TSC2: variants seen among roughly 807,000 people sequenced by gnomAD.
The protein encoded by TSC2 is TSC complex subunit 2, also known as tuberin.
In TSC2, 29 loss-of-function variants were observed where a neutral mutation model predicts 202.2. The observed-to-expected ratio is 0.14, with a 90% CI of 0.11 to 0.20. The LOEUF is 0.20. Ranked by LOEUF, TSC2 falls within the 10% of genes least tolerant of loss-of-function variation. The probability of loss-of-function intolerance (pLI) is 1.00; values close to 1 mark genes in which losing one functional copy is unlikely to be tolerated. For synonymous variants in TSC2, 1,349 were observed against 1,044.0 expected (o/e 1.29, Z -5.63); for missense variants, 2,429 against 2,420.0 (o/e 1.00, Z -0.08).
intron 16 of TSC2, among the ~76,000 whole-genome samples, chr16:2,068,360 T>C (rs758119920): frequency 1.3e-5 from 2 of 152,126 alleles, no homozygotes; most frequent in Non-Finnish European, 2.9e-5. Flanking sequence ...TCTTTTGTTA[T>C]AATTGAAAAG....
rs2084995674 is a variant in TSC2, at chr16:2,050,650, G to A, written c.225+164G>A. On this transcript the variant is annotated intron_variant, in intron 3 of 41. Coordinates refer to ENST00000219476, the MANE Select transcript of TSC2 (RefSeq NM_000548.5). ...GGAGTCTTGCTCTGTCGCCCAGGCT[G>A]GCACAATCTTGGCTCACTGCAGCCT... Among the ~76,000 whole-genome samples the A allele has an allele frequency of 2.1e-5, 3 of 145,282 alleles. No homozygotes were observed. The South Asian group carries it at 6.6e-4, about 32-fold the overall frequency.
chr16:2,080,390 GC>G lies in TSC2; in HGVS notation c.3610+14del. ...CGGAGGCCCACAGGTACTGGGCGGG[GC>G]TGGCCTGAGCGCCATCTTTCTGCCA... is the stretch of plus-strand genomic sequence containing the variant. On this transcript the variant is annotated intron_variant, in intron 30 of 41. Transcript: ENST00000219476. 1 of 1,608,960 alleles carries G rather than the reference GC, an allele frequency of 6.2e-7. No individual in the cohort carries two copies. Among genetic ancestry groups the G allele is most frequent in the Non-Finnish European group, 8.5e-7 (1 of 1,178,570 alleles).
At chr16:2,070,783 G>A (rs982004475) in intron 17 of TSC2, among the ~76,000 whole-genome samples, 63 of 152,216 alleles carry the variant, frequency 4.1e-4, no homozygotes, top group African/African-American at 1.3e-3. Context: ...GTGGCTTGTC[G>A]CTCTAAGCCG....
chr16:2,062,157 C>A, intron 12 of TSC2, 149 bp downstream of exon 12: 1 of 1,182,628 alleles, frequency 8.5e-7, no homozygotes. Context: ...GGAAGGCTGG[C>A]AGGCACAGCA....
intron 15 of TSC2, chr16:2,064,791 G>A (rs950438998): frequency 5.5e-6 from 2 of 364,238 alleles, no homozygotes; most frequent in Non-Finnish European, 1.0e-5. Flanking sequence ...ACAGTCACTC[G>A]GGTATAAAGG....
chr16:2,079,677 T>G lies in TSC2; in HGVS notation c.3397+8T>G, dbSNP rs1231016004. ...GGGTCCGTTCCATGTCGGGTGAGCC[T>G]TGGCCCCAGCCACCTCCACACAGGC... On this transcript the variant is annotated splice_region_variant and intron_variant, in intron 29 of 41. Transcript: ENST00000219476. The surrounding 1 kb of genome is among the most constrained non-coding windows in gnomAD (Gnocchi z 4.6). 1 of 1,575,712 alleles carries G rather than the reference T, an allele frequency of 6.3e-7. No individual in the cohort carries two copies. The highest frequency in any genetic ancestry group is 1.2e-5 in the South Asian group (1 of 86,668).
chr16:2,087,844 C>T lies in TSC2; in HGVS notation c.4990-19C>T. On this transcript the variant is annotated intron_variant, in intron 38 of 41. Transcript: ENST00000219476. ...GCACACGCTGTGTGCGGGGATGACC[C>T]TTTCTCTTGTCCGGGCAGGGCCAGT... 1 of 1,612,134 alleles carries T rather than the reference C, an allele frequency of 6.2e-7. No individual in the cohort carries two copies. Among genetic ancestry groups the T allele is most frequent in the Non-Finnish European group, 8.5e-7 (1 of 1,179,756 alleles).
At chr16:2,054,070 G>A (rs1436839516) in intron 4 of TSC2, 6 of 632,430 alleles carry the variant, frequency 9.5e-6, no homozygotes, top group Admixed American at 2.8e-5. Flanking sequence ...GCCAGGTCCC[G>A]ACACACAGCA....
intron 40 of TSC2, 27 bp from the exon 41 acceptor site, chr16:2,088,200 G>A (rs2151626292): frequency 1.3e-6 from 2 of 1,580,692 alleles, no homozygotes; most frequent in Non-Finnish European, 1.7e-6. Flanking sequence ...ACCTGATAGT[G>A]AGCTCACCCC....
intron 16 of TSC2, 89 bp from the exon 17 acceptor site, chr16:2,070,367 G>A (rs1001864515): frequency 4.5e-5 from 72 of 1,609,800 alleles, no homozygotes; most frequent in African/African-American, 2.3e-4. Context: ...TAGAGCAGCC[G>A]CCCCGGCCCC....
rs999852347 is a variant in TSC2, at chr16:2,082,677, G to C, written c.3883+173G>C. ...GCAGAATGTCTTTGGCTTGGCCAGC[G>C]GGATCCCCTTGACTTGGTCCCTTTG... On this transcript the variant is annotated intron_variant, in intron 32 of 41. Coordinates refer to ENST00000219476, the MANE Select transcript of TSC2 (RefSeq NM_000548.5). 8.2e-6 allele frequency: 6 copies of C among 734,538 alleles called. No individual in the cohort carries two copies. The African/African-American group carries it at 1.0e-4, about 13-fold the overall frequency. The allele number at this position is 734,538 out of a possible 1,614,324, so 45.5% of individuals were successfully genotyped here.
rs2090258083 is a variant in TSC2, at chr16:2,082,439, CCT to C, written c.3821_3822del (p.Ser1274PhefsTer47). Reference sequence around the variant, plus strand: ...CGCACACGGCCTTCCCTTGCAGTGGCCTCTTTCTCCTCCCTGTACCAGTCCAG... The same window carrying C: ...CGCACACGGCCTTCCCTTGCAGTGGCCTTTCTCCTCCCTGTACCAGTCCAG... On this transcript the variant is annotated frameshift_variant, in exon 32 of 42. Coordinates refer to ENST00000219476, the MANE Select transcript of TSC2 (RefSeq NM_000548.5). LOFTEE classifies it high-confidence loss of function. The C allele has an allele frequency of 6.2e-7, 1 of 1,612,590 alleles. No individual in the cohort carries two copies. Among genetic ancestry groups the C allele is most frequent in the Non-Finnish European group, 8.5e-7 (1 of 1,179,994 alleles).
intron 14 of TSC2, 73 bp downstream of exon 14, chr16:2,063,126 G>A (rs763644113): frequency 9.2e-6 from 14 of 1,516,390 alleles, no homozygotes; most frequent in African/African-American, 1.4e-5. Context: ...TGTTGTGCAC[G>A]TGCTCCCGCA....
At chr16:2,067,060 C>T (rs1369084734) in intron 16 of TSC2, among the ~76,000 whole-genome samples, 1 of 152,086 alleles carries the variant, frequency 6.6e-6, no homozygotes, top group Non-Finnish European at 1.5e-5. Context: ...CTCAAAAGCT[C>T]ATCCTTAAGA....
intron 1 of TSC2, chr16:2,048,336 C>T (rs2084621153): frequency 3.3e-6 from 3 of 918,078 alleles, no homozygotes; most frequent in Admixed American, 2.0e-5. Context: ...CTAACCCGTG[C>T]ACTGAGTCGG....
chr16:2,064,799 A>G (rs1197134705), intron 15 of TSC2: 1 of 351,428 alleles, frequency 2.8e-6, no homozygotes, highest in African/African-American at 2.1e-5. Context: ...TCGGGTATAA[A>G]GGGCATCTTT....
chr16:2,080,254 G>T lies in TSC2; in HGVS notation c.3487G>T (p.Ala1163Ser), dbSNP rs560522093. The T allele has an allele frequency of 5.0e-6, 8 of 1,612,992 alleles. No homozygotes were observed. Among genetic ancestry groups the T allele is most frequent in the African/African-American group, 1.3e-5 (1 of 75,072 alleles). ...ATSPGPRTAPAAKPEKASAGT... is the reference protein window; with the variant it reads ...ATSPGPRTAPSAKPEKASAGT... ...TTCTCCAGGACCACGGACTGCACCAGCCGCGAAACCTGAGAAGGCCTCAGC... is the reference window on the plus strand; with the variant it reads ...TTCTCCAGGACCACGGACTGCACCATCCGCGAAACCTGAGAAGGCCTCAGC... Residue 1163 changes from alanine (A) to serine (S), a missense_variant, in exon 30 of 42, where the codon GCC becomes TCC. Transcript: ENST00000219476.
chr16:2,065,834 C>T (rs903587737), intron 16 of TSC2, among the ~76,000 whole-genome samples, 199 bp downstream of exon 16: 2 of 152,180 alleles, frequency 1.3e-5, no homozygotes, highest in South Asian at 2.1e-4. Context: ...CCCCGTTGTA[C>T]GCCCTGACCA....
rs1336162242 is a variant in TSC2, at chr16:2,086,847, G to A, written c.4965G>A (p.Glu1655=). 1.2e-6 allele frequency: 2 copies of A among 1,601,124 alleles called. No individual in the cohort carries two copies. Among genetic ancestry groups the A allele is most frequent in the Admixed American group, 1.7e-5 (1 of 58,550 alleles). The change falls in exon 38 of 42, where the codon GAG becomes GAA. Residue 1655 remains glutamate, a synonymous_variant. Transcript: ENST00000219476. ...CCATTGTCTACAATGACTCCGGTGA[G>A]GACTTCAAGCTTGGCACCATCAAGG... ...FVSIVYNDSG[E]DFKLGTIKGQ...
Sources: allele counts gnomAD v4.1 joint callset (sites outside exome capture counted in the v4.1 genomes callset), GRCh38; gene constraint gnomAD v4.1.1; non-coding constraint Gnocchi (gnomAD v3.1); transcripts MANE v1.5; gene names NCBI Gene and HGNC (gene_info 2026-07-23, HGNC 2026-07-21).